SDK1: variants seen among roughly 807,000 people sequenced by gnomAD.
SDK1 encodes the protein protein sidekick-1.
A neutral mutation model predicts 245.5 loss-of-function variants in SDK1; 157 were observed. The observed-to-expected ratio is 0.64, with a 90% CI of 0.56 to 0.73. The LOEUF is 0.73. Among genes scored for constraint, SDK1 ranks in the 30% least tolerant of loss-of-function variants. SDK1 has a pLI of 0.00. For synonymous variants in SDK1, 1,647 were observed against 1,278.5 expected (o/e 1.29, Z -6.15); for missense variants, 3,583 against 3,002.3 (o/e 1.19, Z -4.52).
intron 1 of SDK1, among the ~76,000 whole-genome samples, chr7:3,525,059 G>A (rs1000969763): frequency 4.6e-5 from 7 of 152,104 alleles, no homozygotes; most frequent in African/African-American, 7.2e-5. Flanking sequence ...AACTATTTAC[G>A]TAGCATTTAC....
intron 1 of SDK1, among the ~76,000 whole-genome samples, chr7:3,507,209 G>A (rs1053111820): frequency 6.6e-6 from 1 of 152,116 alleles, no homozygotes. Context: ...ACCCAGCTTA[G>A]TTCTCTCTAG....
At chr7:4,066,458 C>T (rs1359721864) in intron 19 of SDK1, among the ~76,000 whole-genome samples, 8 of 152,156 alleles carry the variant, frequency 5.3e-5, no homozygotes, top group South Asian at 2.1e-4. Flanking sequence ...GCTCGTAAGA[C>T]GCCAGCCTCC....
At chr7:3,858,389 A>C (rs533286896) in intron 5 of SDK1, among the ~76,000 whole-genome samples, 6 of 152,182 alleles carry the variant, frequency 3.9e-5, no homozygotes. Context: ...CCATCTCAAA[A>C]AAACAAAACT....
At chr7:4,262,054 G>T in intron 44 of SDK1, among the ~76,000 whole-genome samples, 1 of 103,778 alleles carries the variant, frequency 9.6e-6, no homozygotes, top group African/African-American at 3.7e-5. Context: ...TTTTGAGATG[G>T]AGTCTGGCTC....
At chr7:3,586,917 G>T (rs1780708728) in intron 1 of SDK1, among the ~76,000 whole-genome samples, 1 of 152,150 alleles carries the variant, frequency 6.6e-6, no homozygotes, top group Non-Finnish European at 1.5e-5. Flanking sequence ...TAAGGGTTCT[G>T]TAAGAGATTT....
intron 1 of SDK1, among the ~76,000 whole-genome samples, chr7:3,443,888 C>T (rs996662617): frequency 5.9e-5 from 9 of 152,300 alleles, no homozygotes; most frequent in African/African-American, 2.2e-4. Context: ...TAAACCACAG[C>T]AGAACATGAT....
At chr7:3,401,096 T>C (rs1778876406) in intron 1 of SDK1, among the ~76,000 whole-genome samples, 1 of 152,164 alleles carries the variant, frequency 6.6e-6, no homozygotes, top group African/African-American at 2.4e-5. Flanking sequence ...TGTGTCCTGA[T>C]GGATTTAGAA....
At chr7:4,178,607 A>G (rs758176056) in intron 35 of SDK1, 21 bp downstream of exon 35, 1 of 1,567,998 alleles carries the variant, frequency 6.4e-7, no homozygotes, top group East Asian at 2.2e-5. Flanking sequence ...TGCACCCCCA[A>G]CCCCACTGCC....
intron 35 of SDK1, among the ~76,000 whole-genome samples, chr7:4,194,003 A>G (rs1283984260): frequency 6.6e-6 from 1 of 152,196 alleles, no homozygotes; most frequent in Non-Finnish European, 1.5e-5. Context: ...GCCAAGGACT[A>G]TCAGCATTCT....
chr7:4,077,005 G>C lies in SDK1; in HGVS notation c.3018G>C (p.Gln1006His), dbSNP rs1301134090. 2.5e-6 allele frequency: 4 copies of C among 1,613,916 alleles called. No individual in the cohort carries two copies. Among genetic ancestry groups the C allele is most frequent in the African/African-American group, 2.7e-5 (2 of 75,036 alleles). The change falls in exon 21 of 45, where the codon CAG (glutamine) becomes CAC (histidine). Residue 1006 changes from glutamine (Q) to histidine (H), a missense_variant. Transcript: ENST00000404826. ...GGTCCTGTTGCTTTCTAGGCTATCA[G>C]ATCTCTTGGGAAGTGTACGGCAGGA... Reference protein sequence around the residue: ...LEKNGIITGYQISWEVYGRND... With the variant: ...LEKNGIITGYHISWEVYGRND...
At chr7:4,123,171 A>C (rs915239986) in intron 25 of SDK1, among the ~76,000 whole-genome samples, 1 of 152,188 alleles carries the variant, frequency 6.6e-6, no homozygotes, top group Non-Finnish European at 1.5e-5. Flanking sequence ...GAAGCAGTTA[A>C]AGATTACAGA....
At chr7:3,834,775 G>A (rs933840422) in intron 5 of SDK1, among the ~76,000 whole-genome samples, 4 of 152,338 alleles carry the variant, frequency 2.6e-5, no homozygotes, top group South Asian at 2.1e-4. Context: ...GCCACGGGAA[G>A]AGTGCATGAC....
In SDK1 at chr7:4,132,378, C is replaced by A; in HGVS notation, c.4183C>A (p.Arg1395=). 6.2e-7 allele frequency: 1 copy of A among 1,613,026 alleles called. No homozygotes were observed. Among genetic ancestry groups the A allele is most frequent in the Middle Eastern group, 1.7e-4 (1 of 6,058 alleles). ...VFPEVRLTSV[R]IVWQPPEEPN... ...CCCCGAAGTGAGACTCACCTCCGTG[C>A]GGATAGTGTGGCAACCTCCGGAGGA... Residue 1395 remains arginine, a synonymous_variant, in exon 28 of 45, where the codon CGG becomes AGG. Transcript: ENST00000404826.
At chr7:3,647,794 A>G (rs1046875947) in intron 4 of SDK1, among the ~76,000 whole-genome samples, 1 of 152,140 alleles carries the variant, frequency 6.6e-6, no homozygotes, top group African/African-American at 2.4e-5. Context: ...TGGTATGCAT[A>G]GGAGATACAC....
chr7:3,749,139 CT>C (rs879318722), intron 4 of SDK1, among the ~76,000 whole-genome samples: 2 of 149,498 alleles, frequency 1.3e-5, no homozygotes, highest in Admixed American at 6.7e-5. Flanking sequence ...AACATCACCT[CT>C]TTTTTTTTTC....
In SDK1 at chr7:3,622,604, G is replaced by A. The variant is rs147275043; in HGVS notation, c.458+3365G>A. Among the ~76,000 whole-genome samples the A allele has an allele frequency of 7.6e-3, 1,152 of 152,312 alleles. 6 individuals are homozygous for A. The highest frequency in any genetic ancestry group is 9.3e-3 in the Admixed American group (143 of 15,298). ...AACTTGCAGTCAACTTAAAACTGCA[G>A]GAAGAGGTGGAACACTCTTTGTATT... On this transcript the variant is annotated intron_variant, in intron 2 of 44. Transcript: ENST00000404826.
At chr7:3,738,565 C>G (rs1382373921) in intron 4 of SDK1, among the ~76,000 whole-genome samples, 2 of 151,976 alleles carry the variant, frequency 1.3e-5, no homozygotes, top group East Asian at 1.9e-4. Flanking sequence ...TTTATTTCTG[C>G]AAAAGAAAAT....
chr7:3,913,138 C>A (rs555882586), intron 5 of SDK1, among the ~76,000 whole-genome samples: 1 of 152,096 alleles, frequency 6.6e-6, no homozygotes, highest in African/African-American at 2.4e-5. Context: ...CAAGGGGTAC[C>A]GGGGGCCCTG....
chr7:3,817,139 A>G (rs1583444631), intron 4 of SDK1, among the ~76,000 whole-genome samples: 1 of 152,284 alleles, frequency 6.6e-6, no homozygotes, highest in South Asian at 2.1e-4. Flanking sequence ...ATAACCAAAG[A>G]CAATTTATAT....
Sources: gnomAD v4.1 joint callset for allele counts (sites outside exome capture counted in the v4.1 genomes callset) on GRCh38, gnomAD v4.1.1 for gene constraint, MANE v1.5 for transcripts, NCBI Gene and HGNC (gene_info 2026-07-23, HGNC 2026-07-21) for gene names.